The following CDYL2 variants were observed in gnomAD, a reference collection of about 807,000 sequenced individuals.
CDYL2 encodes the protein chromodomain Y-like protein 2.
Under a neutral mutation model 49.4 loss-of-function variants are expected in CDYL2, and 23 were observed. The observed-to-expected ratio is 0.47, with a 90% CI of 0.34 to 0.66. The LOEUF is 0.66. Among genes scored for constraint, CDYL2 ranks in the 30% least tolerant of loss-of-function variants. The pLI is 0.01. For synonymous variants in CDYL2, 360 were observed against 268.8 expected, an observed-to-expected ratio of 1.34 and a Z score of -3.32; for missense variants, 678 against 656.4, an observed-to-expected ratio of 1.03 and a Z score of -0.36.
rs1464649825 is a variant in CDYL2, at chr16:80,712,187, G to GTATATATATA, written c.25-27059_25-27058insTATATATATA. Among the ~76,000 whole-genome samples, 138 of 38,060 alleles carry GTATATATATA rather than the reference G, an allele frequency of 3.6e-3. 2 individuals carry two copies. The highest frequency in any genetic ancestry group is 9.5e-3 in the African/African-American group (69 of 7,230). The allele number at this position is 38,060 out of a possible 152,430, so 25.0% of individuals were successfully genotyped here. ...TATATATATGTGTCTTTGTGTCTGT[G>GTATATATATA]TGTGTATATATATATATATATATAT... On this transcript the variant is annotated intron_variant, in intron 1 of 6. Transcript: ENST00000570137.
intron 1 of CDYL2, among the ~76,000 whole-genome samples, chr16:80,791,443 C>T (rs1156709842): frequency 1.3e-5 from 2 of 152,232 alleles, no homozygotes; most frequent in South Asian, 2.1e-4. Context: ...ACAAAGCTTA[C>T]AATGTAAGTG....
chr16:80,713,990 A>C (rs1904709645), intron 1 of CDYL2, among the ~76,000 whole-genome samples: 1 of 152,198 alleles, frequency 6.6e-6, no homozygotes, highest in Non-Finnish European at 1.5e-5. Context: ...AGGTCTTCCC[A>C]GCAGAGGTGC....
chr16:80,676,128 T>C (rs916250243), intron 2 of CDYL2, among the ~76,000 whole-genome samples: 1 of 152,158 alleles, frequency 6.6e-6, no homozygotes, highest in Non-Finnish European at 1.5e-5. Flanking sequence ...CCTGGCACTT[T>C]CCATGTGCAT....
At chr16:80,776,856 C>T (rs1477301610) in intron 1 of CDYL2, among the ~76,000 whole-genome samples, 1 of 151,188 alleles carries the variant, frequency 6.6e-6, no homozygotes. Flanking sequence ...CTCCCTCTGT[C>T]GCCTAGGCTG....
intron 2 of CDYL2, among the ~76,000 whole-genome samples, chr16:80,654,121 T>G (rs201184671): frequency 0.017 from 2,549 of 152,282 alleles, 58 homozygotes; most frequent in African/African-American, 0.039. Context: ...CGTGGTGATT[T>G]GGGGAAGAAG....
rs1166698797 is a variant in CDYL2 at position 80,633,103 on chromosome 16, T to G, written c.750A>C (p.Arg250=). 1 of 1,614,164 alleles carries G rather than the reference T, an allele frequency of 6.2e-7. No individual in the cohort carries two copies. Among genetic ancestry groups the G allele is most frequent in the South Asian group, 1.1e-5 (1 of 91,072 alleles). The change falls in exon 3 of 7, where the codon CGA becomes CGC. Residue 250 remains arginine (R), a synonymous_variant. Transcript: ENST00000570137. ...VRQNESNCRF[R]DIVVRKEEGF... ...CTTCTTCCTTCCGCACAACGATGTCTCGAAACCGACAGTTGCTTTCATTCT... is the reference window on the plus strand; with the variant it reads ...CTTCTTCCTTCCGCACAACGATGTCGCGAAACCGACAGTTGCTTTCATTCT...
At chr16:80,732,263 G>T (rs575606860) in intron 1 of CDYL2, among the ~76,000 whole-genome samples, 1 of 152,254 alleles carries the variant, frequency 6.6e-6, no homozygotes, top group South Asian at 2.1e-4. Context: ...ACAACTGAGA[G>T]AGTATCATAG....
At chr16:80,778,316 T>A (rs1010547656) in intron 1 of CDYL2, among the ~76,000 whole-genome samples, 1 of 151,450 alleles carries the variant, frequency 6.6e-6, no homozygotes, top group Admixed American at 6.6e-5. Context: ...AAAATAAGAG[T>A]AGAAATATAT....
At chr16:80,686,492 G>A (rs1910200521) in intron 1 of CDYL2, among the ~76,000 whole-genome samples, 1 of 152,092 alleles carries the variant, frequency 6.6e-6, no homozygotes, top group Non-Finnish European at 1.5e-5. Flanking sequence ...AGTCGAGTCA[G>A]GAATAAGCCT....
At chr16:80,664,675 G>T (rs187073565) in intron 2 of CDYL2, among the ~76,000 whole-genome samples, 2 of 152,244 alleles carry the variant, frequency 1.3e-5, no homozygotes, top group Admixed American at 6.5e-5. Flanking sequence ...TGGCCTCCCA[G>T]ATAGCCCTGT....
chr16:80,648,060 A>G (rs1908426852), intron 2 of CDYL2, among the ~76,000 whole-genome samples: 1 of 152,150 alleles, frequency 6.6e-6, no homozygotes, highest in African/African-American at 2.4e-5. Context: ...CCAAAAAAGA[A>G]GAAAAACTTC....
intron 1 of CDYL2, among the ~76,000 whole-genome samples, chr16:80,734,737 A>C (rs531589746): frequency 6.6e-6 from 1 of 152,292 alleles, no homozygotes; most frequent in South Asian, 2.1e-4. Context: ...AATGCATTCT[A>C]GGAAATGCAG....
chr16:80,678,610 C>A (rs1422990312), intron 2 of CDYL2, among the ~76,000 whole-genome samples: 2 of 149,976 alleles, frequency 1.3e-5, no homozygotes, highest in Non-Finnish European at 3.0e-5. Flanking sequence ...AGTCAGGAAA[C>A]AACAGGTGCT....
intron 4 of CDYL2, among the ~76,000 whole-genome samples, chr16:80,616,679 A>G (rs1329705447): frequency 1.3e-5 from 2 of 152,142 alleles, no homozygotes; most frequent in African/African-American, 2.4e-5. Context: ...CCCACCCCTT[A>G]GTCCAGGCGC....
At chr16:80,741,667 T>C (rs1905740159) in intron 1 of CDYL2, among the ~76,000 whole-genome samples, 2 of 152,112 alleles carry the variant, frequency 1.3e-5, no homozygotes, top group Admixed American at 1.3e-4. Context: ...ACAACAGATA[T>C]TTAAATTCAC....
intron 2 of CDYL2, among the ~76,000 whole-genome samples, chr16:80,636,913 T>C (rs1489237463): frequency 6.6e-6 from 1 of 152,160 alleles, no homozygotes; most frequent in Non-Finnish European, 1.5e-5. Context: ...GAGACATGGA[T>C]GAAGCTGGAA....
chr16:80,671,973 A>C (rs1909529163), intron 2 of CDYL2, among the ~76,000 whole-genome samples: 1 of 152,198 alleles, frequency 6.6e-6, no homozygotes, highest in Non-Finnish European at 1.5e-5. Flanking sequence ...GGTTGGGTAT[A>C]CCTTATCCAA....
intron 1 of CDYL2, among the ~76,000 whole-genome samples, chr16:80,756,840 G>A (rs1906326739): frequency 6.6e-6 from 1 of 150,696 alleles, no homozygotes; most frequent in African/African-American, 2.4e-5. Flanking sequence ...TTATAAATTA[G>A]CATTATCATC....
At chr16:80,662,654 A>G (rs2142437410) in intron 2 of CDYL2, 1 of 441,954 alleles carries the variant, frequency 2.3e-6, no homozygotes, top group Middle Eastern at 6.4e-4. Flanking sequence ...AATGTTCAAT[A>G]TCTGCATTGT....
Sources: gnomAD v4.1 joint callset for allele counts (sites outside exome capture counted in the v4.1 genomes callset) on GRCh38, gnomAD v4.1.1 for gene constraint, MANE v1.5 for transcripts, NCBI Gene and HGNC (gene_info 2026-07-23, HGNC 2026-07-21) for gene names.